Variants in RNF128 observed in about 807,000 individuals in gnomAD.
RNF128 encodes the protein E3 ubiquitin-protein ligase RNF128.
Under a neutral mutation model 26.2 loss-of-function variants are expected in RNF128, and 13 were observed. The observed-to-expected ratio is 0.50, with a 90% CI of 0.32 to 0.79. The LOEUF is 0.79. Among genes scored for constraint, RNF128 ranks in the 30% least tolerant of loss-of-function variants. RNF128 has a pLI of 0.03. For missense variants in RNF128, 315 were observed against 349.7 expected, an observed-to-expected ratio of 0.90 and a Z score of 0.79; for synonymous variants, 149 against 142.5, an observed-to-expected ratio of 1.05 and a Z score of -0.32.
intron 3 of RNF128, among the ~76,000 whole-genome samples, chrX:106,787,098 A>G (rs1202323642): frequency 2.7e-5 from 3 of 111,179 alleles, no homozygotes. Context: ...TCACTACTAG[A>G]TATTTACCCT....
At chrX:106,702,646 G>A (rs1435863416) in intron 1 of RNF128, among the ~76,000 whole-genome samples, 1 of 111,991 alleles carries the variant, frequency 8.9e-6, no homozygotes, top group Non-Finnish European at 1.9e-5. Context: ...GTCTAAACTT[G>A]CAAGTTTTAT....
intron 1 of RNF128, among the ~76,000 whole-genome samples, chrX:106,735,077 G>T (rs1054996864): frequency 6.3e-5 from 7 of 111,619 alleles, no homozygotes; most frequent in Non-Finnish European, 1.3e-4. Context: ...TCAGCTGTGT[G>T]TATGTCCTTC....
Position 106,726,703 on chromosome X carries a change from G to C in RNF128, c.-211G>C, listed in dbSNP as rs911109988. On this transcript the variant is annotated 5_prime_UTR_variant, in exon 1 of 7. Coordinates refer to ENST00000255499, the MANE Select transcript of RNF128 (RefSeq NM_194463.2). ...CCCCAGAGCCCGACGCGGCAGCCGC[G>C]GTAGCGGAGAAGACTGGAGCTCCGA... 9.7e-6 allele frequency: 10 copies of C among 1,026,441 alleles called. No individual in the cohort carries two copies. The highest frequency in any genetic ancestry group is 1.2e-5 in the Non-Finnish European group (10 of 810,724). The allele number at this position is 1,026,441 out of a possible 1,213,427, so 84.6% of individuals were successfully genotyped here.
intron 1 of RNF128, among the ~76,000 whole-genome samples, chrX:106,749,904 C>CA (rs374223408): frequency 0.11 from 8,080 of 71,383 alleles, 823 homozygotes; most frequent in African/African-American, 0.34. Flanking sequence ...GACCTTGTTT[C>CA]AAAAAAAAAA....
chrX:106,720,886 G>T (rs189857045), intron 1 of RNF128, among the ~76,000 whole-genome samples: 1 of 111,466 alleles, frequency 9.0e-6, no homozygotes, highest in Admixed American at 9.5e-5. Context: ...GGCTCTCAAT[G>T]GTAGTTATTA....
At chrX:106,768,018 T>A (rs1173666493) in intron 1 of RNF128, among the ~76,000 whole-genome samples, 1 of 111,978 alleles carries the variant, frequency 8.9e-6, no homozygotes, top group Non-Finnish European at 1.9e-5. Flanking sequence ...GGATTACATT[T>A]ATTGATTTGC....
chrX:106,765,855 T>A (rs1930216825), intron 1 of RNF128, among the ~76,000 whole-genome samples: 1 of 109,579 alleles, frequency 9.1e-6, no homozygotes, highest in Admixed American at 9.9e-5. Context: ...TATCTCCTAA[T>A]GCTATCCCCC....
At chrX:106,764,470 C>T (rs1032037274) in intron 1 of RNF128, among the ~76,000 whole-genome samples, 2 of 110,127 alleles carry the variant, frequency 1.8e-5, no homozygotes, top group Admixed American at 9.7e-5. Flanking sequence ...GGTTTGAAAC[C>T]AGCCTGGCCA....
At chrX:106,739,830 T>C (rs186382797) in intron 1 of RNF128, among the ~76,000 whole-genome samples, 1 of 111,442 alleles carries the variant, frequency 9.0e-6, no homozygotes, top group Non-Finnish European at 1.9e-5. Flanking sequence ...TTGGTACCTA[T>C]ATGATACCAA....
At chrX:106,795,543 G>A (rs1305687332) in intron 6 of RNF128, 37 bp from the exon 7 acceptor site, 1 of 1,162,866 alleles carries the variant, frequency 8.6e-7, no homozygotes, top group Non-Finnish European at 1.1e-6. Flanking sequence ...AGAGGAGAGG[G>A]GCAAAATCAT....
At chrX:106,738,834 C>T (rs1460202980) in intron 1 of RNF128, among the ~76,000 whole-genome samples, 2 of 111,509 alleles carry the variant, frequency 1.8e-5, no homozygotes, top group East Asian at 5.6e-4. Flanking sequence ...AATATATGTA[C>T]AGTGCTCAGT....
At chrX:106,754,366 GGACTACAGGCACATGC>G in intron 1 of RNF128, among the ~76,000 whole-genome samples, 2 of 104,723 alleles carry the variant, frequency 1.9e-5, no homozygotes, top group Middle Eastern at 9.5e-3. Context: ...GACTACAGTG[GGACTACAGGCACATGC>G]CACCACACCT....
At chrX:106,755,493 T>C in intron 1 of RNF128, among the ~76,000 whole-genome samples, 2 of 110,585 alleles carry the variant, frequency 1.8e-5, no homozygotes, top group Non-Finnish European at 3.8e-5. Flanking sequence ...GTCTCTCTGA[T>C]GAACATCAAT....
chrX:106,721,920 T>A (rs1305651601), upstream of RNF128, among the ~76,000 whole-genome samples: 1 of 111,773 alleles, frequency 8.9e-6, no homozygotes, highest in Non-Finnish European at 1.9e-5. Flanking sequence ...TTAAATGAGA[T>A]AATGCATGTA....
intron 2 of RNF128, among the ~76,000 whole-genome samples, chrX:106,783,003 A>G (rs1012529925): frequency 3.6e-5 from 4 of 112,210 alleles, no homozygotes; most frequent in Admixed American, 9.5e-5. Context: ...AAGTCCCATC[A>G]TAGAATTTTT....
chrX:106,754,285 T>C (rs973619665), intron 1 of RNF128, among the ~76,000 whole-genome samples: 1 of 109,596 alleles, frequency 9.1e-6, no homozygotes, highest in Non-Finnish European at 1.9e-5. Context: ...AGTGGCATGA[T>C]TTCGGCTCAC....
chrX:106,742,842 ATAAT>A (rs754387063), intron 1 of RNF128, among the ~76,000 whole-genome samples: 11 of 111,242 alleles, frequency 9.9e-5, no homozygotes, highest in Non-Finnish European at 1.7e-4. Context: ...ATCAAAAAGA[ATAAT>A]TAATTTTATT....
At chrX:106,765,056 A>T (rs1393384410) in intron 1 of RNF128, among the ~76,000 whole-genome samples, 4 of 111,887 alleles carry the variant, frequency 3.6e-5, no homozygotes, top group Non-Finnish European at 7.5e-5. Flanking sequence ...TCTACATTTC[A>T]GACTCCTTCA....
At chrX:106,725,598 A>G (rs189363903), upstream of RNF128, among the ~76,000 whole-genome samples, 321 of 112,512 alleles carry the variant, frequency 2.9e-3, 3 homozygotes, top group Non-Finnish European at 4.5e-3. Context: ...TTATTTTAGA[A>G]TTGTGTCTCT....
Sources: allele counts gnomAD v4.1 joint callset (sites outside exome capture counted in the v4.1 genomes callset), GRCh38; gene constraint gnomAD v4.1.1; transcripts MANE v1.5; gene names NCBI Gene and HGNC (gene_info 2026-07-23, HGNC 2026-07-21).